The following PIBF1 variants were observed in gnomAD, a reference collection of about 807,000 sequenced individuals.
PIBF1 encodes progesterone immunomodulatory binding factor 1.
A neutral mutation model predicts 112.5 loss-of-function variants in PIBF1; 90 were observed. That is an observed-to-expected ratio of 0.80 (90% confidence interval 0.67 to 0.95). The LOEUF (loss-of-function observed/expected upper bound fraction) is 0.95. Among genes scored for constraint, PIBF1 ranks in the 40% least tolerant of loss-of-function variants. The pLI is 0.00. For synonymous variants in PIBF1, 301 were observed against 288.6 expected (o/e 1.04, Z -0.44); for missense variants, 915 against 852.3 (o/e 1.07, Z -0.92).
intron 11 of PIBF1, among the ~76,000 whole-genome samples, chr13:72,896,275 C>G (rs569985864): frequency 6.6e-5 from 10 of 152,248 alleles, no homozygotes; most frequent in Admixed American, 2.0e-4. Context: ...CAAGGGAACA[C>G]TTCGTGAGGA....
chr13:72,948,813 G>A (rs2042217623), intron 14 of PIBF1, among the ~76,000 whole-genome samples: 1 of 152,130 alleles, frequency 6.6e-6, no homozygotes, highest in Non-Finnish European at 1.5e-5. Context: ...AACAAAGGGG[G>A]GAAAGCCCCT....
chr13:72,933,949 G>A (rs1234098703), intron 14 of PIBF1, among the ~76,000 whole-genome samples: 3 of 152,168 alleles, frequency 2.0e-5, no homozygotes, highest in Non-Finnish European at 4.4e-5. Context: ...AATGTTTGAA[G>A]TTGGATGACG....
Position 72,821,945 on chromosome 13 carries a change from G to C in PIBF1, c.769G>C (p.Gly257Arg), listed in dbSNP as rs756155608. The C allele has an allele frequency of 1.2e-6, 2 of 1,612,452 alleles. No individual in the cohort carries two copies. Among genetic ancestry groups the C allele is most frequent in the Non-Finnish European group, 1.7e-6 (2 of 1,179,200 alleles). ...AGACACAAAACAGTTAATTCAGCAA[G>C]GTGACTACCGTCAAGAGAACTATGA... is the stretch of plus-strand genomic sequence containing the variant. ...LADTKQLIQQ[G>R]DYRQENYDKV... The change falls in exon 6 of 18, where the codon GGT becomes CGT. Residue 257 changes from glycine (G) to arginine (R), a missense_variant. Gly to Arg is a moderately radical substitution (Grantham distance 125). Coordinates refer to ENST00000326291, the MANE Select transcript of PIBF1 (RefSeq NM_006346.4).
intron 16 of PIBF1, among the ~76,000 whole-genome samples, chr13:72,992,198 A>G (rs983774361): frequency 2.6e-5 from 4 of 152,220 alleles, no homozygotes; most frequent in African/African-American, 4.8e-5. Context: ...GTCTCAGTCA[A>G]TCGATCAATC....
chr13:72,949,335 A>G (rs1197420929), intron 14 of PIBF1, among the ~76,000 whole-genome samples: 1 of 45,248 alleles, frequency 2.2e-5, no homozygotes, highest in African/African-American at 7.4e-5. Flanking sequence ...TTTTTTTTTG[A>G]GACAGAGTCT....
chr13:72,809,501 G>A (rs778398736), intron 5 of PIBF1, among the ~76,000 whole-genome samples: 1 of 151,118 alleles, frequency 6.6e-6, no homozygotes, highest in Admixed American at 6.6e-5. Context: ...AATCATTAAA[G>A]CCACACAATT....
At chr13:72,837,452 T>G (rs1197990452) in intron 9 of PIBF1, among the ~76,000 whole-genome samples, 2 of 152,114 alleles carry the variant, frequency 1.3e-5, no homozygotes, top group African/African-American at 4.8e-5. Flanking sequence ...AGCATTATTT[T>G]TTATTTTAAT....
intron 10 of PIBF1, among the ~76,000 whole-genome samples, chr13:72,862,400 TGAG>T (rs1353357714): frequency 1.3e-5 from 2 of 152,174 alleles, no homozygotes; most frequent in Non-Finnish European, 2.9e-5. Context: ...GTCCAGGAGT[TGAG>T]GACCAGCCTA....
At chr13:72,949,139 A>G (rs550090369) in intron 14 of PIBF1, among the ~76,000 whole-genome samples, 104 of 152,274 alleles carry the variant, frequency 6.8e-4, no homozygotes, top group Middle Eastern at 3.4e-3. Context: ...GTAATATATG[A>G]TATGACCATT....
chr13:73,009,400 G>A (rs1010906725), intron 17 of PIBF1, among the ~76,000 whole-genome samples: 1 of 152,204 alleles, frequency 6.6e-6, no homozygotes, highest in African/African-American at 2.4e-5. Flanking sequence ...TCAGCCAAAA[G>A]GTCGAGGCGT....
rs117084828 is a variant in PIBF1, at chr13:72,899,566, C to T, written c.1488+5617C>T. Among the ~76,000 whole-genome samples, 1,296 of 152,252 alleles carry T rather than the reference C, an allele frequency of 8.5e-3. 66 individuals are homozygous for T. The highest frequency in any genetic ancestry group is 9.6e-3 in the East Asian group (50 of 5,184). ...AACAGCGTTAGACAAAATCCAGCAT[C>T]GCTTTATGATTGAAACCCTCAGCAA... On this transcript the variant is annotated intron_variant, in intron 11 of 17. Coordinates refer to ENST00000326291, the MANE Select transcript of PIBF1 (RefSeq NM_006346.4).
intron 2 of PIBF1, among the ~76,000 whole-genome samples, chr13:72,788,519 C>T (rs938886686): frequency 1.3e-5 from 2 of 152,188 alleles, no homozygotes; most frequent in South Asian, 4.1e-4. Context: ...TCAACATATG[C>T]TTTTCACCTG....
chr13:72,879,317 T>C (rs1439258250), intron 10 of PIBF1, among the ~76,000 whole-genome samples: 1 of 152,172 alleles, frequency 6.6e-6, no homozygotes, highest in Non-Finnish European at 1.5e-5. Flanking sequence ...GAGGTTAAAG[T>C]GTTTTTAGTA....
intron 10 of PIBF1, among the ~76,000 whole-genome samples, chr13:72,858,162 G>C (rs998278767): frequency 6.6e-6 from 1 of 151,612 alleles, no homozygotes; most frequent in Non-Finnish European, 1.5e-5. Context: ...AGTGATTCTC[G>C]TGCTTCAGCC....
chr13:72,787,703 G>T (rs189273297), intron 2 of PIBF1, among the ~76,000 whole-genome samples: 1 of 152,030 alleles, frequency 6.6e-6, no homozygotes, highest in Non-Finnish European at 1.5e-5. Context: ...CTGTTGCCCA[G>T]GCTGGAGTGC....
intron 16 of PIBF1, among the ~76,000 whole-genome samples, chr13:72,976,240 C>T (rs542782709): frequency 1.8e-4 from 28 of 151,800 alleles, no homozygotes; most frequent in Admixed American, 1.3e-4. Context: ...AGCCACTGCA[C>T]TCCAGCCTGA....
intron 12 of PIBF1, among the ~76,000 whole-genome samples, chr13:72,911,293 A>C (rs1443205771): frequency 6.6e-6 from 1 of 152,248 alleles, no homozygotes; most frequent in Non-Finnish European, 1.5e-5. Flanking sequence ...AAGGAAAGAC[A>C]AATACAGCAA....
At chr13:72,844,770 C>CTT (rs1341154496) in intron 9 of PIBF1, among the ~76,000 whole-genome samples, 1 of 107,962 alleles carries the variant, frequency 9.3e-6, no homozygotes, top group Admixed American at 8.9e-5. Context: ...CACACACACA[C>CTT]ACACACACAC....
chr13:72,876,594 T>C (rs928408917), intron 10 of PIBF1, among the ~76,000 whole-genome samples: 1 of 152,188 alleles, frequency 6.6e-6, no homozygotes, highest in Non-Finnish European at 1.5e-5. Flanking sequence ...TATTCTTTGA[T>C]TGTCTTATCG....
Sources: allele counts gnomAD v4.1 joint callset (sites outside exome capture counted in the v4.1 genomes callset), GRCh38; gene constraint gnomAD v4.1.1; transcripts MANE v1.5; gene names NCBI Gene and HGNC (gene_info 2026-07-23, HGNC 2026-07-21).